Variants in ITGAL observed in about 807,000 individuals in gnomAD.
The protein encoded by ITGAL is integrin alpha-L.
ITGAL carries 68 observed loss-of-function variants against 138.4 expected under a neutral mutation model. The ratio of observed to expected loss-of-function variants is 0.49; its 90% CI spans 0.40 to 0.60. ITGAL has a LOEUF of 0.60. Ranked by LOEUF, ITGAL falls within the 20% of genes least tolerant of loss-of-function variation. The pLI is 0.00. For synonymous variants in ITGAL, 561 were observed against 584.3 expected (o/e 0.96, Z 0.57); for missense variants, 1,256 against 1,478.6 (o/e 0.85, Z 2.47).
chr16:30,485,599 A>G (rs1351609187), intron 9 of ITGAL, among the ~76,000 whole-genome samples: 1 of 151,114 alleles, frequency 6.6e-6, no homozygotes, highest in Non-Finnish European at 1.5e-5. Context: ...ATCACAGCTC[A>G]CTGCAGCCTT....
Position 30,516,975 on chromosome 16 carries a change from G to A in ITGAL, c.2865G>A (p.Val955=), listed in dbSNP as rs778360908. 1.9e-6 allele frequency: 3 copies of A among 1,611,014 alleles called. No individual in the cohort carries two copies. The highest frequency in any genetic ancestry group is 2.2e-5 in the South Asian group (2 of 91,002). ...KIHQVKHMYQ[V]RIQPSIHDHN... is the part of the protein sequence containing the mutation. The stretch of plus-strand genomic sequence containing the variant: ...GCATCCCTTGTCCTCTGTGCCAGGT[G>A]AGGATCCAGCCTTCCATCCACGACC... The change falls in exon 26 of 31, where the codon GTG becomes GTA. Residue 955 remains valine, a splice_region_variant and synonymous_variant. Transcript: ENST00000356798.
At chr16:30,520,135 G>A (rs1449760395) in intron 30 of ITGAL, among the ~76,000 whole-genome samples, 168 bp downstream of exon 30, 1 of 152,158 alleles carries the variant, frequency 6.6e-6, no homozygotes, top group Non-Finnish European at 1.5e-5. Flanking sequence ...GGCTACTGAG[G>A]TCCAAAGAAC....
chr16:30,501,104 C>T (rs2050891192), intron 17 of ITGAL, among the ~76,000 whole-genome samples: 1 of 152,072 alleles, frequency 6.6e-6, no homozygotes, highest in South Asian at 2.1e-4. Context: ...CCTTGGCCTC[C>T]AAAAGTGCTG....
chr16:30,505,161 C>T, intron 18 of ITGAL, 83 bp from the exon 19 acceptor site: 2 of 1,356,338 alleles, frequency 1.5e-6, no homozygotes, highest in East Asian at 2.5e-5. Context: ...AGCTAAGCCC[C>T]TGCCCCTCCA....
In ITGAL at chr16:30,494,827, G is replaced by T; in HGVS notation, c.1480G>T (p.Val494Leu). The change falls in exon 13 of 31, where the codon GTG becomes TTG. Residue 494 changes from valine to leucine, a missense_variant. Transcript: ENST00000356798. The surrounding 1 kb of genome is among the most constrained non-coding windows in gnomAD (Gnocchi z 4.2). ...LFYGEQRGGRVFIYQRRQLGF... is the reference protein window; with the variant it reads ...LFYGEQRGGRLFIYQRRQLGF... ...CTATGGGGAGCAGAGAGGAGGCCGG[G>T]TGTTTATCTACCAGAGAAGACAGGT... 1 of 1,605,408 alleles carries T rather than the reference G, an allele frequency of 6.2e-7. No homozygotes were observed. The highest frequency in any genetic ancestry group is 2.2e-5 in the East Asian group (1 of 44,604).
At chr16:30,485,276 G>GAGTGCAGTGGCGCAGTCTCTGTTCACTGC in intron 9 of ITGAL, among the ~76,000 whole-genome samples, 1 of 144,936 alleles carries the variant, frequency 6.9e-6, no homozygotes, top group East Asian at 2.1e-4. Flanking sequence ...GCCCAGGCTG[G>GAGTGCAGTGGCGCAGTCTCTGTTCACTGC]AGTGCAGTGG....
intron 11 of ITGAL, among the ~76,000 whole-genome samples, chr16:30,492,807 C>T (rs1386916711): frequency 6.7e-6 from 1 of 148,788 alleles, no homozygotes; most frequent in East Asian, 2.0e-4. Flanking sequence ...GTCTCCCAAA[C>T]TGCTGGGATT....
At chr16:30,476,537 C>T (rs2050474873) in intron 4 of ITGAL, among the ~76,000 whole-genome samples, 1 of 150,316 alleles carries the variant, frequency 6.7e-6, no homozygotes, top group Admixed American at 6.6e-5. Context: ...TGAAGTTAAA[C>T]AAAAATTTAA....
chr16:30,479,178 C>T lies in ITGAL; in HGVS notation c.415C>T (p.Pro139Ser). 3.7e-6 allele frequency: 6 copies of T among 1,614,082 alleles called. No homozygotes were observed. Among genetic ancestry groups the T allele is most frequent in the Non-Finnish European group, 5.1e-6 (6 of 1,179,978 alleles). The change falls in exon 5 of 31, where the codon CCC (proline) becomes TCC (serine). Residue 139 changes from proline (P) to serine (S), a missense_variant. Coordinates refer to ENST00000356798, the MANE Select transcript of ITGAL (RefSeq NM_002209.3). ...CYLFRQNLQG[P>S]MLQGRPGFQE... ...CCTCTTCCGCCAGAATCTGCAGGGT[C>T]CCATGCTGCAGGGGCGCCCTGGTTT...
chr16:30,484,971 T>C (rs918920243), intron 9 of ITGAL, among the ~76,000 whole-genome samples: 3 of 152,064 alleles, frequency 2.0e-5, no homozygotes, highest in Admixed American at 6.6e-5. Context: ...TGGGACATCC[T>C]ATTAGAAACA....
chr16:30,474,226 G>A lies in ITGAL; in HGVS notation c.92G>A (p.Arg31Gln). ...APASSYNLDV[R>Q]GARSFSPPRA... The stretch of plus-strand genomic sequence containing the variant: ...GCCTCGAGCTACAACCTGGACGTGC[G>A]GGGCGCGCGGAGCTTCTCCCCACCG... Residue 31 changes from arginine (R) to glutamine (Q), a missense_variant, in exon 2 of 31, where the codon CGG (arginine) becomes CAG (glutamine). Physicochemically the swap from Arg to Gln is conservative, Grantham distance 43 (BLOSUM62 1). Transcript: ENST00000356798. The A allele has an allele frequency of 4.4e-6, 7 of 1,608,264 alleles. No individual in the cohort carries two copies. The highest frequency in any genetic ancestry group is 5.9e-6 in the Non-Finnish European group (7 of 1,177,626).
Position 30,521,825 on chromosome 16 carries a change from T to C in ITGAL, c.*160T>C. 1 of 696,274 alleles carries C rather than the reference T, an allele frequency of 1.4e-6. No homozygotes were observed. The highest frequency in any genetic ancestry group is 2.3e-6 in the Non-Finnish European group (1 of 429,220). 43.1% of individuals were successfully genotyped at this position (696,274 alleles called of 1,614,324 possible). ...AACATGGAACTCATTCCTGCCTGTC[T>C]CCTTTGCAGGCTCATAGGGAAGACC... On this transcript the variant is annotated 3_prime_UTR_variant, in exon 31 of 31. Coordinates refer to ENST00000356798, the MANE Select transcript of ITGAL (RefSeq NM_002209.3).
chr16:30,498,468 A>G (rs912591118), intron 15 of ITGAL, among the ~76,000 whole-genome samples: 6 of 151,982 alleles, frequency 3.9e-5, no homozygotes, highest in Admixed American at 3.3e-4. Flanking sequence ...AGCATAATAA[A>G]ATTCATGCAA....
chr16:30,510,494 G>A (rs561771287), intron 22 of ITGAL, 23 bp downstream of exon 22: 3 of 1,406,990 alleles, frequency 2.1e-6, no homozygotes, highest in South Asian at 1.2e-5. Context: ...AGTCTCCAGG[G>A]ACCAAGCAGC....
rs1187528277 is a variant in ITGAL at position 30,484,095 on chromosome 16, C to T, written c.856-18C>T. The T allele has an allele frequency of 6.2e-7, 1 of 1,609,220 alleles. No homozygotes were observed. Among genetic ancestry groups the T allele is most frequent in the Admixed American group, 1.7e-5 (1 of 59,742 alleles). On this transcript the variant is annotated intron_variant, in intron 8 of 30. Transcript: ENST00000356798. ...AGGTTTGGGGGATTTCAGCTCTTCA[C>T]TCTCCACTCCCTCACAGATTGGAAA...
rs760884232 is a variant in ITGAL at position 30,474,226 on chromosome 16, G to C, written c.92G>C (p.Arg31Pro). ...APASSYNLDVRGARSFSPPRA... is the reference protein window; with the variant it reads ...APASSYNLDVPGARSFSPPRA... ...GCCTCGAGCTACAACCTGGACGTGC[G>C]GGGCGCGCGGAGCTTCTCCCCACCG... Residue 31 changes from arginine to proline, a missense_variant, in exon 2 of 31, where the codon CGG becomes CCG. Transcript: ENST00000356798. The C allele has an allele frequency of 1.9e-6, 3 of 1,608,148 alleles. No individual in the cohort carries two copies. Among genetic ancestry groups the C allele is most frequent in the Admixed American group, 3.4e-5 (2 of 59,170 alleles).
intron 24 of ITGAL, among the ~76,000 whole-genome samples, chr16:30,512,722 A>G (rs2051107678): frequency 6.6e-6 from 1 of 151,900 alleles, no homozygotes; most frequent in Non-Finnish European, 1.5e-5. Flanking sequence ...TTTTTAAGAG[A>G]CAGAGTCTCG....
Position 30,496,221 on chromosome 16 carries a change from C to G in ITGAL, c.1628C>G (p.Ala543Gly), listed in dbSNP as rs745486669. 1.2e-6 allele frequency: 2 copies of G among 1,612,956 alleles called. No homozygotes were observed. The highest frequency in any genetic ancestry group is 3.3e-5 in the Admixed American group (2 of 59,882). ...GDGLVDVAVG[A>G]PLEEQGAVYI... is the part of the protein sequence containing the mutation. ...GGGCTGGTAGACGTGGCTGTGGGGG[C>G]CCCTCTGGAGGAGCAGGGGGCTGTG... is the stretch of plus-strand genomic sequence containing the variant. Residue 543 changes from alanine (A) to glycine (G), a missense_variant, in exon 14 of 31, where the codon GCC (alanine) becomes GGC (glycine). Around this residue, in one of 3 missense-constraint regions of ITGAL, gnomAD observed 867 missense variants for 972.5 expected, o/e 0.89. Coordinates refer to ENST00000356798, the MANE Select transcript of ITGAL (RefSeq NM_002209.3).
chr16:30,510,589 C>T, intron 22 of ITGAL, 118 bp downstream of exon 22: 2 of 680,060 alleles, frequency 2.9e-6, no homozygotes, highest in East Asian at 2.6e-5. Context: ...TGTACCTTGC[C>T]CCTACCTAAG....
Sources: allele counts gnomAD v4.1 joint callset (sites outside exome capture counted in the v4.1 genomes callset), GRCh38; gene constraint gnomAD v4.1.1; regional missense constraint gnomAD v4.1.1; non-coding constraint Gnocchi (gnomAD v3.1); transcripts MANE v1.5; gene names NCBI Gene and HGNC (gene_info 2026-07-23, HGNC 2026-07-21).